Variants in PDE3B observed in about 807,000 individuals in gnomAD.
PDE3B encodes phosphodiesterase 3B, also known as cGMP-inhibited 3',5'-cyclic phosphodiesterase 3B.
A neutral mutation model predicts 116.8 loss-of-function variants in PDE3B; 66 were observed. The ratio of observed to expected loss-of-function variants is 0.56; its 90% CI spans 0.46 to 0.69. PDE3B has a LOEUF of 0.69. Among genes scored for constraint, PDE3B ranks in the 30% least tolerant of loss-of-function variants. PDE3B has a pLI of 0.00. For missense variants in PDE3B, 1,384 were observed against 1,368.1 expected (o/e 1.01, Z -0.18); for synonymous variants, 595 against 533.6 (o/e 1.12, Z -1.59).
chr11:14,853,027 T>A (rs1338624173), intron 12 of PDE3B, among the ~76,000 whole-genome samples: 1 of 151,430 alleles, frequency 6.6e-6, no homozygotes, highest in Admixed American at 6.6e-5. Context: ...TTTTTTTTTT[T>A]AACTTACTCA....
At chr11:14,806,858 CAAAAAAA>C (rs953411145) in intron 5 of PDE3B, among the ~76,000 whole-genome samples, 5 of 45,930 alleles carry the variant, frequency 1.1e-4, no homozygotes, top group African/African-American at 5.1e-4. Flanking sequence ...GACTCCGTCT[CAAAAAAA>C]AAAAAAAAAA....
At chr11:14,698,776 G>A (rs1312922527) in intron 1 of PDE3B, 3 of 151,890 alleles carry the variant, frequency 2.0e-5, no homozygotes, top group African/African-American at 7.2e-5. Flanking sequence ...GAGTATGGTT[G>A]TCTTCTTTTG....
chr11:14,677,530 T>A (rs1565087713), intron 1 of PDE3B, among the ~76,000 whole-genome samples: 1 of 152,228 alleles, frequency 6.6e-6, no homozygotes, highest in Admixed American at 6.5e-5. Context: ...TTATTTTTTT[T>A]AATTTAAAAT....
intron 1 of PDE3B, among the ~76,000 whole-genome samples, chr11:14,708,791 G>T (rs1478727059): frequency 6.6e-6 from 1 of 151,960 alleles, no homozygotes; most frequent in African/African-American, 2.4e-5. Flanking sequence ...TATATAGAGA[G>T]AGAGAATGTA....
chr11:14,709,618 T>TAA (rs1855640130), intron 1 of PDE3B, among the ~76,000 whole-genome samples: 1 of 152,190 alleles, frequency 6.6e-6, no homozygotes, highest in African/African-American at 2.4e-5. Context: ...TTTGTGTGTG[T>TAA]TCTGGCTGGT....
chr11:14,888,607 C>G, the PDE3B span, among the ~76,000 whole-genome samples: 1 of 152,176 alleles, frequency 6.6e-6, no homozygotes. Context: ...TTGAACCACA[C>G]ATGGGAGCTT....
chr11:14,724,638 G>T (rs1590092104), intron 1 of PDE3B, among the ~76,000 whole-genome samples: 1 of 152,162 alleles, frequency 6.6e-6, no homozygotes, highest in Non-Finnish European at 1.5e-5. Flanking sequence ...TTCAGATCAG[G>T]ATACTCAACC....
At chr11:14,715,370 T>C (rs1461409160) in intron 1 of PDE3B, among the ~76,000 whole-genome samples, 2 of 152,208 alleles carry the variant, frequency 1.3e-5, no homozygotes, top group Non-Finnish European at 2.9e-5. Flanking sequence ...ATTTTCACGA[T>C]ATTGATTCTT....
intron 1 of PDE3B, among the ~76,000 whole-genome samples, chr11:14,728,672 AC>A (rs767242066): frequency 5.3e-5 from 8 of 152,098 alleles, no homozygotes; most frequent in African/African-American, 1.2e-4. Flanking sequence ...GCTTCCTCTT[AC>A]ACTTGTTTTA....
At chr11:14,841,378 T>A (rs533401876) in intron 11 of PDE3B, among the ~76,000 whole-genome samples, 26 of 147,806 alleles carry the variant, frequency 1.8e-4, no homozygotes, top group East Asian at 1.6e-3. Context: ...ATATATGAAT[T>A]ATATATATTC....
chr11:14,832,914 C>G (rs1274470854), intron 10 of PDE3B, 81 bp downstream of exon 10: 1 of 655,442 alleles, frequency 1.5e-6, no homozygotes, highest in African/African-American at 1.9e-5. Flanking sequence ...TTCAGATGGT[C>G]CCTTAAACAC....
At chr11:14,819,459 A>G (rs1191069232) in intron 7 of PDE3B, among the ~76,000 whole-genome samples, 1 of 152,184 alleles carries the variant, frequency 6.6e-6, no homozygotes, top group Non-Finnish European at 1.5e-5. Flanking sequence ...TTGTTTATAA[A>G]TAGTGGAATT....
intron 1 of PDE3B, among the ~76,000 whole-genome samples, chr11:14,769,113 C>G (rs574747063): frequency 1.3e-4 from 20 of 151,346 alleles, no homozygotes; most frequent in African/African-American, 4.6e-4. Flanking sequence ...TAAGATTGGG[C>G]TTTGCTTAAG....
At chr11:14,894,502 G>T in the PDE3B span, among the ~76,000 whole-genome samples, 2 of 152,176 alleles carry the variant, frequency 1.3e-5, no homozygotes, top group South Asian at 2.1e-4. Flanking sequence ...TTTATTTTCA[G>T]AAAGGATTAA....
chr11:14,687,066 T>G (rs1420050534), intron 1 of PDE3B, among the ~76,000 whole-genome samples: 1 of 152,222 alleles, frequency 6.6e-6, no homozygotes, highest in African/African-American at 2.4e-5. Context: ...TTATGTTATA[T>G]TTATTCGTTT....
At chr11:14,881,181 T>C in the PDE3B span, among the ~76,000 whole-genome samples, 6 of 152,120 alleles carry the variant, frequency 3.9e-5, no homozygotes, top group Non-Finnish European at 8.8e-5. Context: ...TTAGAAATTT[T>C]CTGCTTAAAA....
chr11:14,672,378 C>G (rs1344790601), intron 1 of PDE3B, among the ~76,000 whole-genome samples: 1 of 151,942 alleles, frequency 6.6e-6, no homozygotes, highest in Non-Finnish European at 1.5e-5. Context: ...AATACTTTCC[C>G]ATACTTTACA....
intron 1 of PDE3B, among the ~76,000 whole-genome samples, chr11:14,654,036 A>G (rs1853638896): frequency 6.6e-6 from 1 of 151,982 alleles, no homozygotes; most frequent in South Asian, 2.1e-4. Context: ...CACACACACA[A>G]AGTTATATAG....
rs574327896 is a variant in PDE3B at position 14,841,950 on chromosome 11, T to G, written c.2321-1877T>G. On this transcript the variant is annotated intron_variant, in intron 11 of 15. Transcript: ENST00000282096. ...TACTTGGAATGTTTTTGTGGTGCCATATGAATTTTTTTTTCTATTTCTCTA... is the reference window on the plus strand; with the variant it reads ...TACTTGGAATGTTTTTGTGGTGCCAGATGAATTTTTTTTTCTATTTCTCTA... Among the ~76,000 whole-genome samples the G allele has an allele frequency of 3.3e-5, 5 of 150,978 alleles. No homozygotes were observed. In the South Asian group the frequency reaches 1.1e-3, roughly 32 times the overall value.
Sources: allele counts gnomAD v4.1 joint callset (sites outside exome capture counted in the v4.1 genomes callset), GRCh38; gene constraint gnomAD v4.1.1; transcripts MANE v1.5; gene names NCBI Gene and HGNC (gene_info 2026-07-23, HGNC 2026-07-21).